The following MYC variants were observed in gnomAD, a reference collection of about 807,000 sequenced individuals.
The protein encoded by MYC is MYC proto-oncogene, bHLH transcription factor, also known as myc proto-oncogene protein.
MYC carries 1 observed loss-of-function variant against 30.5 expected under a neutral mutation model. The ratio of observed to expected loss-of-function variants is 0.03; its 90% CI spans 0.01 to 0.16. The LOEUF is 0.16. Among genes scored for constraint, MYC ranks in the 10% least tolerant of loss-of-function variants. The pLI, the probability that MYC is intolerant of heterozygous loss-of-function variation, is 1.00. For synonymous variants in MYC, 267 were observed against 250.7 expected, an observed-to-expected ratio of 1.07 and a Z score of -0.62; for missense variants, 508 against 589.0, an observed-to-expected ratio of 0.86 and a Z score of 1.42.
Position 127,736,479 on chromosome 8 carries a change from G to T in MYC, c.-115G>T, listed in dbSNP as rs1169025180. The T allele has an allele frequency of 1.7e-6, 2 of 1,206,294 alleles. No individual in the cohort carries two copies. Among genetic ancestry groups the T allele is most frequent in the Non-Finnish European group, 1.2e-6 (1 of 836,514 alleles). 74.7% of individuals were successfully genotyped at this position (1,206,294 alleles called of 1,614,324 possible). ...CTTTGCACTGGAACTTACAACACCC[G>T]AGCAAGGACGCGACTCTCCCGACGC... On this transcript the variant is annotated 5_prime_UTR_variant, in exon 1 of 3. Transcript: ENST00000621592.
chr8:127,736,677 T>C, intron 1 of MYC, 54 bp downstream of exon 1: 3 of 1,583,106 alleles, frequency 1.9e-6, no homozygotes, highest in Non-Finnish European at 2.6e-6. Context: ...ACTTTAATGC[T>C]GAGATGAGTC....
intron 2 of MYC, among the ~76,000 whole-genome samples, chr8:127,739,301 A>C (rs1813667543): frequency 6.6e-6 from 1 of 151,752 alleles, no homozygotes; most frequent in Non-Finnish European, 1.5e-5. Flanking sequence ...AACTCAATCC[A>C]CTTCTTCTTA....
In MYC at chr8:127,738,191, C is replaced by G; in HGVS notation, c.31-57C>G. On this transcript the variant is annotated intron_variant, in intron 1 of 2. Coordinates refer to ENST00000621592, the MANE Select transcript of MYC (RefSeq NM_002467.6). The surrounding 1 kb of genome is among the most constrained non-coding windows in gnomAD (Gnocchi z 7.6). ...GCGCACTGCGCGCTGCGCCAGGTTTCCGCACCAAGACCCCTTTAACTCAAG... is the reference window on the plus strand; with the variant it reads ...GCGCACTGCGCGCTGCGCCAGGTTTGCGCACCAAGACCCCTTTAACTCAAG... 1 of 1,514,974 alleles carries G rather than the reference C, an allele frequency of 6.6e-7. No individual in the cohort carries two copies. The highest frequency in any genetic ancestry group is 8.8e-7 in the Non-Finnish European group (1 of 1,132,864). 93.8% of individuals were successfully genotyped at this position (1,514,974 alleles called of 1,614,324 possible).
rs2130091260 is a variant in MYC at position 127,738,110 on chromosome 8, A to T, written c.31-138A>T. ...GTGCTCCCTTTATTCCCCCACCAAG[A>T]CCACCCAGCCGCTTTAGGGGATAGC... On this transcript the variant is annotated intron_variant, in intron 1 of 2. Coordinates refer to ENST00000621592, the MANE Select transcript of MYC (RefSeq NM_002467.6). The surrounding 1 kb of genome is among the most constrained non-coding windows in gnomAD (Gnocchi z 7.6). 8.6e-6 allele frequency: 9 copies of T among 1,049,218 alleles called. No homozygotes were observed. The highest frequency in any genetic ancestry group is 1.2e-5 in the Non-Finnish European group (9 of 741,746). 65.0% of individuals were successfully genotyped at this position (1,049,218 alleles called of 1,614,324 possible).
Position 127,741,147 on chromosome 8 carries a change from CT to C in MYC, c.*199del, listed in dbSNP as rs371119850. Reference sequence around the variant, plus strand: ...AAAAGAACTTTTTTATGCTTACCATCTTTTTTTTTTCTTTAACAGATTTGTA... The same window carrying C: ...AAAAGAACTTTTTTATGCTTACCATCTTTTTTTTTCTTTAACAGATTTGTA... On this transcript the variant is annotated 3_prime_UTR_variant, in exon 3 of 3. Coordinates refer to ENST00000621592, the MANE Select transcript of MYC (RefSeq NM_002467.6). The C allele has an allele frequency of 1.0e-3, 390 of 378,642 alleles. No homozygotes were observed. The highest frequency in any genetic ancestry group is 1.7e-3 in the East Asian group (44 of 25,248). 23.5% of individuals were successfully genotyped at this position (378,642 alleles called of 1,614,324 possible).
At chr8:127,735,636 C>A (rs1314846651), upstream of MYC, 9 of 398,928 alleles carry the variant, frequency 2.3e-5, no homozygotes, top group African/African-American at 1.6e-4. Flanking sequence ...GCGGCCCTTT[C>A]CCCAGCCTTA....
At chr8:127,736,766 T>C (rs1299169637) in intron 1 of MYC, 143 bp downstream of exon 1, 1 of 912,242 alleles carries the variant, frequency 1.1e-6, no homozygotes, top group Admixed American at 2.2e-5. Flanking sequence ...TAACTGGGGC[T>C]GGGGTGGGGG....
rs977518778 is a variant in MYC at position 127,740,413 on chromosome 8, G to A, written c.820G>A (p.Glu274Lys). The stretch of plus-strand genomic sequence containing the variant: ...TCTTAAAGAGGAGGAACAAGAAGAT[G>A]AGGAAGAAATCGATGTTGTTTCTGT... The change falls in exon 3 of 3, where the codon GAG becomes AAG. Residue 274 changes from glutamate (E) to lysine (K), a missense_variant. By Grantham distance (56) the Glu-to-Lys change is moderately conservative (BLOSUM62 1). This residue lies in a region of MYC where 364 missense variants were observed against 381.1 expected (regional missense o/e 0.96). Transcript: ENST00000621592. 6.2e-7 allele frequency: 1 copy of A among 1,613,628 alleles called. No homozygotes were observed.
rs536993570 is a variant in MYC, at chr8:127,738,382, G to A, written c.165G>A (p.Leu55=). The change falls in exon 2 of 3, where the codon CTG becomes CTA. Residue 55 remains leucine (L), a synonymous_variant. Coordinates refer to ENST00000621592, the MANE Select transcript of MYC (RefSeq NM_002467.6). The surrounding 1 kb of genome is among the most constrained non-coding windows in gnomAD (Gnocchi z 7.6). ...ACCAGCAGCAGCAGCAGAGCGAGCT[G>A]CAGCCCCCGGCGCCCAGCGAGGATA... The A allele has an allele frequency of 6.2e-7, 1 of 1,613,988 alleles. No homozygotes were observed. Among genetic ancestry groups the A allele is most frequent in the East Asian group, 2.2e-5 (1 of 44,858 alleles).
Position 127,738,490 on chromosome 8 carries a change from G to T in MYC, c.273G>T (p.Ala91=). 6.2e-7 allele frequency: 1 copy of T among 1,606,630 alleles called. No homozygotes were observed. Among genetic ancestry groups the T allele is most frequent in the Non-Finnish European group, 8.5e-7 (1 of 1,175,292 alleles). Reference sequence around the variant, plus strand: ...GGCTCTGCTCGCCCTCCTACGTTGCGGTCACACCCTTCTCCCTTCGGGGAG... The same window carrying T: ...GGCTCTGCTCGCCCTCCTACGTTGCTGTCACACCCTTCTCCCTTCGGGGAG... The change falls in exon 2 of 3, where the codon GCG becomes GCT. Residue 91 remains alanine, a synonymous_variant. Coordinates refer to ENST00000621592, the MANE Select transcript of MYC (RefSeq NM_002467.6). This position sits in a 1 kb window ranked among gnomAD's most constrained non-coding sequence, Gnocchi z 7.6.
At chr8:127,737,361 G>T (rs939499368) in intron 1 of MYC, among the ~76,000 whole-genome samples, 2 of 152,172 alleles carry the variant, frequency 1.3e-5, no homozygotes, top group African/African-American at 2.4e-5. Flanking sequence ...GCGAATCTCC[G>T]CACCCAGCCC....
intron 2 of MYC, 129 bp from the exon 3 acceptor site, chr8:127,740,267 T>G: frequency 1.0e-6 from 1 of 987,108 alleles, no homozygotes; most frequent in Non-Finnish European, 1.5e-6. Flanking sequence ...TGTGGCTCTT[T>G]GGGGAGATAA....
rs1161981518 is a variant in MYC at position 127,740,889 on chromosome 8, G to A, written c.1296G>A (p.Glu432=). 1 of 1,607,796 alleles carries A rather than the reference G, an allele frequency of 6.2e-7. No individual in the cohort carries two copies. The highest frequency in any genetic ancestry group is 8.5e-7 in the Non-Finnish European group (1 of 1,178,270). ...AGGAGCAAAAGCTCATTTCTGAAGA[G>A]GACTTGTTGCGGAAACGACGAGAAC... Residue 432 remains glutamate, a synonymous_variant, in exon 3 of 3, where the codon GAG becomes GAA. Transcript: ENST00000621592.
rs748003319 is a variant in MYC, at chr8:127,738,754, C to A, written c.537C>A (p.Pro179=). 6.2e-7 allele frequency: 1 copy of A among 1,611,588 alleles called. No homozygotes were observed. Among genetic ancestry groups the A allele is most frequent in the African/African-American group, 1.3e-5 (1 of 74,924 alleles). ...GCAAAGACAGCGGCAGCCCGAACCC[C>A]GCCCGCGGCCACAGCGTCTGCTCCA... Residue 179 remains proline (P), a synonymous_variant, in exon 2 of 3, where the codon CCC becomes CCA. Transcript: ENST00000621592. This position sits in a 1 kb window ranked among gnomAD's most constrained non-coding sequence, Gnocchi z 7.6.
Position 127,736,491 on chromosome 8 carries a change from G to T in MYC, c.-103G>T, listed in dbSNP as rs1378725332. On this transcript the variant is annotated 5_prime_UTR_variant, in exon 1 of 3. Coordinates refer to ENST00000621592, the MANE Select transcript of MYC (RefSeq NM_002467.6). ...ACTTACAACACCCGAGCAAGGACGCGACTCTCCCGACGCGGGGAGGCTATT... is the reference window on the plus strand; with the variant it reads ...ACTTACAACACCCGAGCAAGGACGCTACTCTCCCGACGCGGGGAGGCTATT... 1.1e-5 allele frequency: 14 copies of T among 1,331,074 alleles called. No individual in the cohort carries two copies. The highest frequency in any genetic ancestry group is 1.3e-5 in the Non-Finnish European group (12 of 940,164). The allele number at this position is 1,331,074 out of a possible 1,614,324, so 82.5% of individuals were successfully genotyped here.
chr8:127,739,584 C>A (rs1025928524), intron 2 of MYC, among the ~76,000 whole-genome samples: 1 of 148,720 alleles, frequency 6.7e-6, no homozygotes, highest in Non-Finnish European at 1.5e-5. Context: ...AAAAGCAAAT[C>A]CTTGCCAAAG....
At position 127,738,807 on chromosome 8, in the gene MYC, GCGCCGC is replaced by G. The variant is rs774246867; in HGVS notation, c.595_600del (p.Ala199_Ala200del). On this transcript the variant is annotated inframe_deletion, in exon 2 of 3. Transcript: ENST00000621592. The surrounding 1 kb of genome is among the most constrained non-coding windows in gnomAD (Gnocchi z 7.6). ...TCCAGCTTGTACCTGCAGGATCTGA[GCGCCGC>G]CGCCTCAGAGTGCATCGACCCCTCG... 1.9e-6 allele frequency: 3 copies of G among 1,609,332 alleles called. No homozygotes were observed. The highest frequency in any genetic ancestry group is 2.5e-6 in the Non-Finnish European group (3 of 1,177,516).
rs1368951772 is a variant in MYC, at chr8:127,739,025, C to T, written c.802+6C>T. The stretch of plus-strand genomic sequence containing the variant: ...CACCACCAGCAGCGACTCTGGTAAG[C>T]GAAGCCCGCCCAGGCCTGTCAAAAG... On this transcript the variant is annotated splice_donor_region_variant and intron_variant, in intron 2 of 2. Transcript: ENST00000621592. 7 of 1,497,410 alleles carry T rather than the reference C, an allele frequency of 4.7e-6. No individual in the cohort carries two copies. In the South Asian group the frequency reaches 5.3e-5, roughly 11 times the overall value. 92.8% of individuals were successfully genotyped at this position (1,497,410 alleles called of 1,614,324 possible).
Position 127,740,446 on chromosome 8 carries a change from A to C in MYC, c.853A>C (p.Arg285=), listed in dbSNP as rs780487275. The C allele has an allele frequency of 9.9e-6, 16 of 1,614,164 alleles. No individual in the cohort carries two copies. The highest frequency in any genetic ancestry group is 1.4e-5 in the Non-Finnish European group (16 of 1,180,024). ...AATCGATGTTGTTTCTGTGGAAAAGAGGCAGGCTCCTGGCAAAAGGTCAGA... is the reference window on the plus strand; with the variant it reads ...AATCGATGTTGTTTCTGTGGAAAAGCGGCAGGCTCCTGGCAAAAGGTCAGA... Residue 285 remains arginine, a synonymous_variant, in exon 3 of 3, where the codon AGG becomes CGG. Coordinates refer to ENST00000621592, the MANE Select transcript of MYC (RefSeq NM_002467.6).
Sources: allele counts gnomAD v4.1 joint callset (sites outside exome capture counted in the v4.1 genomes callset), GRCh38; gene constraint gnomAD v4.1.1; regional missense constraint gnomAD v4.1.1; non-coding constraint Gnocchi (gnomAD v3.1); transcripts MANE v1.5; gene names NCBI Gene and HGNC (gene_info 2026-07-23, HGNC 2026-07-21).